The following RGS17 variants were observed in gnomAD, a reference collection of about 807,000 sequenced individuals.
RGS17 encodes regulator of G-protein signaling 17.
RGS17 carries 12 observed loss-of-function variants against 25.5 expected under a neutral mutation model. The observed-to-expected ratio is 0.47, with a 90% confidence interval of 0.30 to 0.76. The LOEUF is 0.76. Among genes scored for constraint, RGS17 ranks in the 30% least tolerant of loss-of-function variants. The pLI is 0.07. For synonymous variants in RGS17, 71 were observed against 76.9 expected (o/e 0.92, Z 0.40); for missense variants, 196 against 242.2 (o/e 0.81, Z 1.27).
intron 1 of RGS17, among the ~76,000 whole-genome samples, chr6:153,072,300 T>C (rs889071723): frequency 1.3e-4 from 20 of 152,152 alleles, no homozygotes; most frequent in Admixed American, 1.3e-4. Context: ...TAGGTTATCA[T>C]AGGTCTCAGC....
intron 2 of RGS17, among the ~76,000 whole-genome samples, chr6:153,033,215 C>T (rs760582849): frequency 8.6e-5 from 13 of 152,016 alleles, no homozygotes; most frequent in Non-Finnish European, 1.8e-4. Context: ...TCATTTGAAA[C>T]CCCAAGGCCT....
rs1351430662 is a variant in RGS17 at position 153,009,892 on chromosome 6, ACTTG to A, written c.*1678_*1681del. On this transcript the variant is annotated 3_prime_UTR_variant, in exon 5 of 5. Transcript: ENST00000206262. Reference sequence around the variant, plus strand: ...AATTCTATATAAATTAGAAAATCATACTTGCTTAAAAAAACCATTTTTGAAATGT... The same window carrying A: ...AATTCTATATAAATTAGAAAATCATACTTAAAAAAACCATTTTTGAAATGT... The A allele has an allele frequency of 6.6e-6, 1 of 151,966 alleles. No homozygotes were observed. Among genetic ancestry groups the A allele is most frequent in the East Asian group, 1.9e-4 (1 of 5,200 alleles). 9.4% of individuals were successfully genotyped at this position (151,966 alleles called of 1,614,324 possible).
Position 153,094,739 on chromosome 6 carries a change from T to A in RGS17, c.-26+36385A>T, listed in dbSNP as rs568891830. Among the ~76,000 whole-genome samples, 10 of 152,316 alleles carry A rather than the reference T, an allele frequency of 6.6e-5. No individual in the cohort carries two copies. The East Asian group carries it at 1.9e-3, about 29-fold the overall frequency. On this transcript the variant is annotated intron_variant, in intron 1 of 4. Coordinates refer to ENST00000206262, the MANE Select transcript of RGS17 (RefSeq NM_012419.5). The stretch of plus-strand genomic sequence containing the variant: ...AGAATGGCAGGTGGTCTCAAAATAA[T>A]TTTTTGGCTCTCTTTCTTTCTTTTC...
chr6:153,045,477 C>T (rs540325931), intron 1 of RGS17, among the ~76,000 whole-genome samples: 3 of 152,316 alleles, frequency 2.0e-5, no homozygotes, highest in Admixed American at 2.0e-4. Context: ...TGTTCAGTGA[C>T]TGGGTCAGGG....
rs775927308 is a variant in RGS17, at chr6:153,006,123, T to C, written c.*5451A>G. The C allele has an allele frequency of 2.6e-5, 4 of 152,234 alleles. No homozygotes were observed. The highest frequency in any genetic ancestry group is 5.9e-5 in the Non-Finnish European group (4 of 68,034). 9.4% of individuals were successfully genotyped at this position (152,234 alleles called of 1,614,324 possible). The stretch of plus-strand genomic sequence containing the variant: ...GCCTTAGTCTCCCAAAGTGCTGGGA[T>C]TGTATGCGTGAGCCACCGTGCCTGG... On this transcript the variant is annotated 3_prime_UTR_variant, in exon 5 of 5. Coordinates refer to ENST00000206262, the MANE Select transcript of RGS17 (RefSeq NM_012419.5).
intron 1 of RGS17, among the ~76,000 whole-genome samples, chr6:153,088,449 A>G (rs891208147): frequency 2.6e-5 from 4 of 152,192 alleles, no homozygotes; most frequent in Non-Finnish European, 5.9e-5. Flanking sequence ...CCAATTATTC[A>G]TAAGTTTACA....
intron 1 of RGS17, among the ~76,000 whole-genome samples, chr6:153,047,134 A>C (rs1023034522): frequency 7.9e-5 from 12 of 152,154 alleles, no homozygotes; most frequent in African/African-American, 2.9e-4. Context: ...CTAAGTAAAA[A>C]TTCAAGAGTG....
At chr6:153,091,803 A>G (rs6557259) in intron 1 of RGS17, among the ~76,000 whole-genome samples, 53,449 of 151,984 alleles carry the variant, frequency 0.35, 10,034 homozygotes, top group East Asian at 0.74. Flanking sequence ...AGGAGCCACC[A>G]TGCCCAGCCG....
chr6:153,063,120 G>T (rs1776661818), intron 1 of RGS17, among the ~76,000 whole-genome samples: 1 of 152,142 alleles, frequency 6.6e-6, no homozygotes, highest in African/African-American at 2.4e-5. Context: ...CCCAGGCAGT[G>T]ACGACTACAA....
At chr6:153,122,063 C>CT (rs2129127027) in intron 1 of RGS17, among the ~76,000 whole-genome samples, 1 of 152,194 alleles carries the variant, frequency 6.6e-6, no homozygotes, top group African/African-American at 2.4e-5. Flanking sequence ...TGATATTATA[C>CT]TTTAAGATAT....
intron 1 of RGS17, among the ~76,000 whole-genome samples, chr6:153,058,449 T>A (rs2129114098): frequency 6.6e-6 from 1 of 152,306 alleles, no homozygotes; most frequent in South Asian, 2.1e-4. Flanking sequence ...TTTTATCACA[T>A]GTAAATGAAC....
At chr6:153,048,533 G>A (rs1162277526) in intron 1 of RGS17, among the ~76,000 whole-genome samples, 1 of 152,164 alleles carries the variant, frequency 6.6e-6, no homozygotes, top group Non-Finnish European at 1.5e-5. Flanking sequence ...CTTATTCAGA[G>A]TGAAGTTCTT....
chr6:153,060,140 G>C (rs1776614308), intron 1 of RGS17, among the ~76,000 whole-genome samples: 1 of 152,140 alleles, frequency 6.6e-6, no homozygotes, highest in South Asian at 2.1e-4. Flanking sequence ...CTGTTTCCCA[G>C]AGTCAGAAGG....
rs1414441255 is a variant in RGS17, at chr6:153,053,915, ATATATATATG to A, written c.-25-9882_-25-9873del. On this transcript the variant is annotated intron_variant, in intron 1 of 4. Transcript: ENST00000206262. The stretch of plus-strand genomic sequence containing the variant: ...TTTCACATACATACATACACACATT[ATATATATATG>A]TATATATATGTATATATAATATATA... Among the ~76,000 whole-genome samples, 15 of 95,854 alleles carry A rather than the reference ATATATATATG, an allele frequency of 1.6e-4. 3 individuals are homozygous for A. The highest frequency in any genetic ancestry group is 2.4e-4 in the Non-Finnish European group (13 of 54,224). The allele number at this position is 95,854 out of a possible 152,430, so 62.9% of individuals were successfully genotyped here. A position where few individuals can be genotyped will look rare whatever the true frequency, so the allele number is the denominator to read the frequency against.
In RGS17 at chr6:153,006,929, G is replaced by T. The variant is rs1395847595; in HGVS notation, c.*4645C>A. ...CACTATGCTCCCTAAGTGAATCTGT[G>T]GACATACATTTCCATTAGTAACCTT... On this transcript the variant is annotated 3_prime_UTR_variant, in exon 5 of 5. Transcript: ENST00000206262. 1 of 152,104 alleles carries T rather than the reference G, an allele frequency of 6.6e-6. No homozygotes were observed. Among genetic ancestry groups the T allele is most frequent in the Admixed American group, 6.5e-5 (1 of 15,280 alleles). The allele number at this position is 152,104 out of a possible 1,614,324, so 9.4% of individuals were successfully genotyped here.
intron 4 of RGS17, among the ~76,000 whole-genome samples, chr6:153,016,031 C>T (rs1779180995): frequency 6.6e-6 from 1 of 152,132 alleles, no homozygotes; most frequent in Non-Finnish European, 1.5e-5. Flanking sequence ...TTGTGGTTGT[C>T]TGTAACTGAA....
chr6:153,066,424 A>G (rs1326908449), intron 1 of RGS17, among the ~76,000 whole-genome samples: 1 of 152,178 alleles, frequency 6.6e-6, no homozygotes, highest in Non-Finnish European at 1.5e-5. Flanking sequence ...TCAAACATTT[A>G]AAGAAGAACC....
chr6:153,109,561 C>A (rs924420959), intron 1 of RGS17, among the ~76,000 whole-genome samples: 6 of 152,180 alleles, frequency 3.9e-5, no homozygotes, highest in Admixed American at 3.3e-4. Context: ...CCTCTTTCAG[C>A]ATGGAAGGAA....
intron 1 of RGS17, among the ~76,000 whole-genome samples, chr6:153,076,335 T>C (rs1776877916): frequency 6.6e-6 from 1 of 152,056 alleles, no homozygotes; most frequent in Admixed American, 6.6e-5. Flanking sequence ...ATTATCAACA[T>C]AAGAGAAAAG....
Sources: allele counts gnomAD v4.1 joint callset (sites outside exome capture counted in the v4.1 genomes callset), GRCh38; gene constraint gnomAD v4.1.1; transcripts MANE v1.5; gene names NCBI Gene and HGNC (gene_info 2026-07-23, HGNC 2026-07-21).